The following PSD3 variants were observed in gnomAD, a reference collection of about 807,000 sequenced individuals.
PSD3 encodes the protein PH and SEC7 domain-containing protein 3.
In PSD3, 49 loss-of-function variants were observed where a neutral mutation model predicts 105.5. The ratio of observed to expected loss-of-function variants is 0.46; its 90% CI spans 0.37 to 0.59. The LOEUF is 0.59. Ranked by LOEUF, PSD3 falls within the 20% of genes least tolerant of loss-of-function variation. The probability of loss-of-function intolerance (pLI) is 0.00; values close to 1 mark genes in which losing one functional copy is unlikely to be tolerated. For synonymous variants in PSD3, 557 were observed against 457.8 expected (o/e 1.22, Z -2.77); for missense variants, 1,561 against 1,263.8 (o/e 1.24, Z -3.57).
chr8:18,547,682 A>C (rs954484715), intron 15 of PSD3, among the ~76,000 whole-genome samples: 5 of 152,322 alleles, frequency 3.3e-5, no homozygotes, highest in Middle Eastern at 3.4e-3. Context: ...GCCATCTTGC[A>C]GACATCACTT....
chr8:18,840,723 T>A (rs932480417), intron 4 of PSD3, among the ~76,000 whole-genome samples: 1 of 152,158 alleles, frequency 6.6e-6, no homozygotes, highest in Admixed American at 6.5e-5. Context: ...CACCCTGAAC[T>A]ACAGCTTATC....
chr8:18,944,849 C>T (rs1822762668), intron 1 of PSD3, among the ~76,000 whole-genome samples: 1 of 152,150 alleles, frequency 6.6e-6, no homozygotes. Context: ...TTTGACCTGT[C>T]CCCATTATTC....
chr8:18,915,116 G>C (rs1227521190), intron 2 of PSD3, among the ~76,000 whole-genome samples: 1 of 152,118 alleles, frequency 6.6e-6, no homozygotes, highest in Non-Finnish European at 1.5e-5. Flanking sequence ...TCAATGAACA[G>C]TGCTGGGAAA....
Position 18,852,939 on chromosome 8 carries a change from T to C in PSD3, c.1634+14735A>G, listed in dbSNP as rs1232248896. ...CACAGCCACCACCCCTCATGTTAGA[T>C]ACTATTATCATTCCTATTTCATACA... is the stretch of plus-strand genomic sequence containing the variant. On this transcript the variant is annotated intron_variant, in intron 4 of 15. Transcript: ENST00000327040. Among the ~76,000 whole-genome samples the C allele has an allele frequency of 3.9e-5, 6 of 152,144 alleles. No individual in the cohort carries two copies. In the South Asian group the frequency reaches 8.3e-4, roughly 21 times the overall value.
intron 8 of PSD3, among the ~76,000 whole-genome samples, chr8:18,791,750 GCTT>G: frequency 6.6e-6 from 1 of 152,286 alleles, no homozygotes; most frequent in Middle Eastern, 3.4e-3. Context: ...AAACTGAACA[GCTT>G]CTGCAGAGCA....
At chr8:18,996,912 C>T (rs1826106414) in intron 1 of PSD3, among the ~76,000 whole-genome samples, 1 of 151,910 alleles carries the variant, frequency 6.6e-6, no homozygotes, top group Admixed American at 6.6e-5. Context: ...ATTTGCCCCT[C>T]ATTTTACTTT....
At chr8:18,657,774 C>T (rs1357319547) in intron 9 of PSD3, among the ~76,000 whole-genome samples, 1 of 152,150 alleles carries the variant, frequency 6.6e-6, no homozygotes, top group East Asian at 1.9e-4. Flanking sequence ...GGCTGAGAAA[C>T]TACAAATGAA....
chr8:18,698,449 T>C (rs1801387279), intron 9 of PSD3, among the ~76,000 whole-genome samples: 1 of 151,476 alleles, frequency 6.6e-6, no homozygotes, highest in Admixed American at 6.6e-5. Context: ...AGGTTGGAGG[T>C]TCAGAGTCAG....
At chr8:18,661,187 T>C (rs900428907) in intron 9 of PSD3, among the ~76,000 whole-genome samples, 4 of 152,196 alleles carry the variant, frequency 2.6e-5, no homozygotes, top group African/African-American at 9.6e-5. Context: ...TTTTTCTCTG[T>C]GGTTCCTGAA....
intron 9 of PSD3, among the ~76,000 whole-genome samples, chr8:18,764,551 T>C (rs976949292): frequency 1.4e-4 from 21 of 152,330 alleles, no homozygotes; most frequent in African/African-American, 5.1e-4. Flanking sequence ...CCATAGTAGA[T>C]AAGTCTTTCC....
intron 9 of PSD3, among the ~76,000 whole-genome samples, chr8:18,750,039 C>T (rs971545003): frequency 2.4e-4 from 37 of 152,250 alleles, no homozygotes; most frequent in African/African-American, 7.9e-4. Flanking sequence ...ACCCACAGAA[C>T]GATGAGATAA....
intron 9 of PSD3, among the ~76,000 whole-genome samples, chr8:18,662,953 G>A (rs1037315973): frequency 6.6e-6 from 1 of 152,162 alleles, no homozygotes; most frequent in African/African-American, 2.4e-5. Context: ...TTATGAGGTG[G>A]GGGAAGGGGA....
chr8:19,001,554 T>G (rs970490681), intron 1 of PSD3: 1 of 152,036 alleles, frequency 6.6e-6, no homozygotes, highest in African/African-American at 2.4e-5. Context: ...TATTGCCTGG[T>G]CTCGCTGCTC....
chr8:18,739,943 T>C (rs891526160), intron 9 of PSD3, among the ~76,000 whole-genome samples: 2 of 152,208 alleles, frequency 1.3e-5, no homozygotes, highest in Non-Finnish European at 2.9e-5. Flanking sequence ...CATAAGTTAT[T>C]TCTAAAAGAA....
intron 9 of PSD3, among the ~76,000 whole-genome samples, chr8:18,690,046 C>T (rs1440618991): frequency 6.6e-6 from 1 of 152,104 alleles, no homozygotes; most frequent in Non-Finnish European, 1.5e-5. Context: ...AAATATTCCA[C>T]GAACACATAT....
chr8:18,820,650 T>TC (rs1262547261), intron 4 of PSD3, among the ~76,000 whole-genome samples: 2 of 70,178 alleles, frequency 2.8e-5, no homozygotes, highest in Non-Finnish European at 4.0e-5. Flanking sequence ...CAACCATTTC[T>TC]TTTTTTTTAA....
intron 9 of PSD3, among the ~76,000 whole-genome samples, chr8:18,724,120 T>C (rs920615234): frequency 2.0e-4 from 30 of 152,106 alleles, no homozygotes; most frequent in African/African-American, 6.5e-4. Context: ...AATATGAGCC[T>C]AGGGTTTGGA....
chr8:18,682,046 A>ACATATCAAG, intron 9 of PSD3, among the ~76,000 whole-genome samples: 1 of 152,036 alleles, frequency 6.6e-6, no homozygotes, highest in East Asian at 1.9e-4. Context: ...TTCCACAGAT[A>ACATATCAAG]CATATCAAGT....
Position 18,799,256 on chromosome 8 carries a change from G to A in PSD3, c.2082+39C>T, listed in dbSNP as rs142674414. On this transcript the variant is annotated intron_variant, in intron 8 of 15. Coordinates refer to ENST00000327040, the MANE Select transcript of PSD3 (RefSeq NM_015310.4). Reference sequence around the variant, plus strand: ...TGAACATAAAAGCAGAGATAAGCCCGACATGTTTTGGATCTAAGTTTCACA... The same window carrying A: ...TGAACATAAAAGCAGAGATAAGCCCAACATGTTTTGGATCTAAGTTTCACA... 3,839 of 1,524,382 alleles carry A rather than the reference G, an allele frequency of 2.5e-3. 13 individuals are homozygous for A. Among genetic ancestry groups the A allele is most frequent in the Middle Eastern group, 0.012 (69 of 5,886 alleles). The allele number at this position is 1,524,382 out of a possible 1,614,324, so 94.4% of individuals were successfully genotyped here. A position where few individuals can be genotyped will look rare whatever the true frequency, so the allele number is the denominator to read the frequency against.
Sources: allele counts gnomAD v4.1 joint callset (sites outside exome capture counted in the v4.1 genomes callset), GRCh38; gene constraint gnomAD v4.1.1; transcripts MANE v1.5; gene names NCBI Gene and HGNC (gene_info 2026-07-23, HGNC 2026-07-21).